The following PTGFR variants were observed in gnomAD, a reference collection of about 807,000 sequenced individuals.
PTGFR encodes prostaglandin F2-alpha receptor.
PTGFR carries 15 observed loss-of-function variants against 26.2 expected under a neutral mutation model. The ratio of observed to expected loss-of-function variants is 0.57; its 90% CI spans 0.38 to 0.88. The LOEUF is 0.88. Ranked by LOEUF, PTGFR falls within the 40% of genes least tolerant of loss-of-function variation. The probability of loss-of-function intolerance (pLI) is 0.00; values close to 1 mark genes in which losing one functional copy is unlikely to be tolerated. For missense variants in PTGFR, 369 were observed against 427.2 expected (o/e 0.86, Z 1.20); for synonymous variants, 165 against 151.1 (o/e 1.09, Z -0.68).
Position 78,514,266 on chromosome 1 carries a change from T to G in PTGFR, c.798+20725T>G, listed in dbSNP as rs1434116230. Among the ~76,000 whole-genome samples the G allele has an allele frequency of 1.3e-5, 2 of 152,182 alleles. 1 individual carries two copies. Among genetic ancestry groups the G allele is most frequent in the Non-Finnish European group, 2.9e-5 (2 of 68,018 alleles). On this transcript the variant is annotated intron_variant, in intron 2 of 2. Transcript: ENST00000370757. ...GTGAGCAGCCACGGTGGCTGCATCT[T>G]GCAAAGCCACAGGGGTGGATCTTCC...
At chr1:78,493,944 A>G (rs1185205895) in intron 2 of PTGFR, among the ~76,000 whole-genome samples, 2 of 152,268 alleles carry the variant, frequency 1.3e-5, no homozygotes, top group African/African-American at 4.8e-5. Context: ...CATATTAGCT[A>G]CTGGGTTCTC....
At chr1:78,515,993 A>G (rs1570285021) in intron 2 of PTGFR, among the ~76,000 whole-genome samples, 1 of 152,184 alleles carries the variant, frequency 6.6e-6, no homozygotes, top group South Asian at 2.1e-4. Context: ...TTAAAATGTT[A>G]TTTCTTGTAA....
intron 2 of PTGFR, among the ~76,000 whole-genome samples, chr1:78,519,236 T>A (rs1317176707): frequency 6.6e-6 from 1 of 152,142 alleles, no homozygotes; most frequent in Non-Finnish European, 1.5e-5. Context: ...CCTAATTAAA[T>A]AAGTTCATAT....
At chr1:78,499,041 G>A (rs1649631585) in intron 2 of PTGFR, among the ~76,000 whole-genome samples, 1 of 152,144 alleles carries the variant, frequency 6.6e-6, no homozygotes, top group Admixed American at 6.5e-5. Context: ...AATTCAGGCA[G>A]CTTTCTCACA....
chr1:78,519,084 C>T (rs921386801), intron 2 of PTGFR, among the ~76,000 whole-genome samples: 7 of 152,100 alleles, frequency 4.6e-5, no homozygotes, highest in Non-Finnish European at 8.8e-5. Context: ...TTATAAGGCA[C>T]TTACTATATG....
At chr1:78,508,484 C>A (rs890103123) in intron 2 of PTGFR, among the ~76,000 whole-genome samples, 2 of 152,186 alleles carry the variant, frequency 1.3e-5, no homozygotes, top group Admixed American at 6.5e-5. Context: ...GTGTAGCTGT[C>A]ATGACCCCCT....
chr1:78,493,673 CT>C, intron 2 of PTGFR, 132 bp downstream of exon 2: 1 of 864,684 alleles, frequency 1.2e-6, no homozygotes, highest in Non-Finnish European at 1.7e-6. Flanking sequence ...TCAGCTCTGG[CT>C]TAGAATTACA....
chr1:78,501,085 A>G (rs1187136944), intron 2 of PTGFR, among the ~76,000 whole-genome samples: 2 of 152,168 alleles, frequency 1.3e-5, no homozygotes, highest in African/African-American at 2.4e-5. Context: ...ACATTACTTG[A>G]ATGACTTAAG....
At chr1:78,532,561 C>G (rs1261381378) in intron 2 of PTGFR, among the ~76,000 whole-genome samples, 1 of 148,772 alleles carries the variant, frequency 6.7e-6, no homozygotes, top group Non-Finnish European at 1.5e-5. Flanking sequence ...TATACATACA[C>G]ACATATACCT....
intron 2 of PTGFR, among the ~76,000 whole-genome samples, chr1:78,534,110 A>G (rs1310217545): frequency 1.3e-5 from 2 of 152,188 alleles, no homozygotes; most frequent in African/African-American, 4.8e-5. Context: ...TAATGTGCCA[A>G]TGTTCACAGG....
At chr1:78,519,647 T>C (rs1650177073) in intron 2 of PTGFR, among the ~76,000 whole-genome samples, 1 of 152,076 alleles carries the variant, frequency 6.6e-6, no homozygotes. Context: ...AATTTGTAGT[T>C]TATTTGGGGA....
intron 2 of PTGFR, among the ~76,000 whole-genome samples, chr1:78,496,333 C>T (rs1303018205): frequency 1.3e-5 from 2 of 152,108 alleles, no homozygotes; most frequent in Admixed American, 6.6e-5. Context: ...TTCCTGCCCA[C>T]CTTGTATTTT....
At chr1:78,525,846 C>T (rs1217655723) in intron 2 of PTGFR, among the ~76,000 whole-genome samples, 1 of 152,018 alleles carries the variant, frequency 6.6e-6, no homozygotes, top group Non-Finnish European at 1.5e-5. Flanking sequence ...CTTAGAGGCT[C>T]CCTTCCAGGA....
Position 78,493,436 on chromosome 1 carries a change from A to G in PTGFR, c.693A>G (p.Lys231=), listed in dbSNP as rs944226941. ...AITGITLLRV[K]FKSQQHRQGR... Reference sequence around the variant, plus strand: ...CAGGAATTACACTTTTAAGAGTTAAATTTAAAAGTCAGCAGCACAGACAAG... The same window carrying G: ...CAGGAATTACACTTTTAAGAGTTAAGTTTAAAAGTCAGCAGCACAGACAAG... Residue 231 remains lysine, a synonymous_variant, in exon 2 of 3, where the codon AAA becomes AAG. Coordinates refer to ENST00000370757, the MANE Select transcript of PTGFR (RefSeq NM_000959.4). The G allele has an allele frequency of 6.2e-7, 1 of 1,613,002 alleles. No individual in the cohort carries two copies. The highest frequency in any genetic ancestry group is 1.7e-5 in the Admixed American group (1 of 59,914).
chr1:78,516,083 A>AT (rs1373162791), intron 2 of PTGFR, among the ~76,000 whole-genome samples: 2 of 152,120 alleles, frequency 1.3e-5, no homozygotes, highest in African/African-American at 4.8e-5. Context: ...TTGCTTAAGA[A>AT]TTTTTCTGTA....
At chr1:78,519,734 T>C (rs1650178746) in intron 2 of PTGFR, among the ~76,000 whole-genome samples, 1 of 152,108 alleles carries the variant, frequency 6.6e-6, no homozygotes, top group South Asian at 2.1e-4. Flanking sequence ...ACAGCTTTGC[T>C]AAGAAACTTC....
intron 2 of PTGFR, among the ~76,000 whole-genome samples, chr1:78,496,773 A>G (rs1649562893): frequency 6.6e-6 from 1 of 152,210 alleles, no homozygotes; most frequent in Non-Finnish European, 1.5e-5. Flanking sequence ...TAAAATGATC[A>G]TAATGTTTGA....
chr1:78,520,611 C>T (rs891309746), intron 2 of PTGFR, among the ~76,000 whole-genome samples: 1 of 152,064 alleles, frequency 6.6e-6, no homozygotes, highest in East Asian at 1.9e-4. Context: ...ATGACTTAGA[C>T]CTTTCTTAGT....
rs1215779395 is a variant in PTGFR at position 78,519,118 on chromosome 1, C to G, written c.799-17288C>G. ...TGCAAAGATACCTTGATTTTTGTCT[C>G]TATCAATAAGCATCTTCATCAGTGG... On this transcript the variant is annotated intron_variant, in intron 2 of 2. Transcript: ENST00000370757. Among the ~76,000 whole-genome samples the G allele has an allele frequency of 2.6e-5, 4 of 152,152 alleles. No homozygotes were observed. In the East Asian group the frequency reaches 7.7e-4, roughly 29 times the overall value.
Sources: gnomAD v4.1 joint callset for allele counts (sites outside exome capture counted in the v4.1 genomes callset) on GRCh38, gnomAD v4.1.1 for gene constraint, MANE v1.5 for transcripts, NCBI Gene and HGNC (gene_info 2026-07-23, HGNC 2026-07-21) for gene names.